The following NKAIN3 variants were observed in gnomAD, a reference collection of about 807,000 sequenced individuals.
NKAIN3 encodes the protein sodium/potassium transporting ATPase interacting 3.
In NKAIN3, 25 loss-of-function variants were observed where a neutral mutation model predicts 30.2. The ratio of observed to expected loss-of-function variants is 0.83; its 90% CI spans 0.60 to 1.16. The LOEUF is 1.16. Among genes scored for constraint, NKAIN3 ranks in the 50% most tolerant of loss-of-function variants. The pLI, the probability that NKAIN3 is intolerant of heterozygous loss-of-function variation, is 0.00. For missense variants in NKAIN3, 225 were observed against 254.1 expected (o/e 0.89, Z 0.78); for synonymous variants, 91 against 89.6 (o/e 1.02, Z -0.09).
At chr8:62,641,195 A>G (rs1312072374) in intron 3 of NKAIN3, among the ~76,000 whole-genome samples, 1 of 152,122 alleles carries the variant, frequency 6.6e-6, no homozygotes, top group Non-Finnish European at 1.5e-5. Context: ...AAAATTTGAT[A>G]AGCACTCTTC....
At chr8:62,632,372 T>TA (rs1811988955) in intron 3 of NKAIN3, among the ~76,000 whole-genome samples, 1 of 152,176 alleles carries the variant, frequency 6.6e-6, no homozygotes, top group Non-Finnish European at 1.5e-5. Context: ...AATATCAAGA[T>TA]ACCTTTTACA....
At chr8:62,784,518 T>C (rs185311764) in intron 4 of NKAIN3, among the ~76,000 whole-genome samples, 2 of 152,048 alleles carry the variant, frequency 1.3e-5, no homozygotes, top group African/African-American at 4.8e-5. Context: ...ATGCCAATAA[T>C]TTAGACAAAC....
At position 62,971,488 on chromosome 8, in the gene NKAIN3, C is replaced by G. The variant is rs1330729951; in HGVS notation, c.*6081C>G. Among the ~76,000 whole-genome samples the G allele has an allele frequency of 1.6e-5, 2 of 121,800 alleles. No homozygotes were observed. The highest frequency in any genetic ancestry group is 1.5e-4 in the Admixed American group (2 of 13,424). The allele number at this position is 121,800 out of a possible 152,430, so 79.9% of individuals were successfully genotyped here. Reference sequence around the variant, plus strand: ...CCCATACCTACAAAAAATACAAAAACCAGCTGTGGCGGTGTGTGCCTATAG... The same window carrying G: ...CCCATACCTACAAAAAATACAAAAAGCAGCTGTGGCGGTGTGTGCCTATAG... On this transcript the variant is annotated 3_prime_UTR_variant, in exon 7 of 7. Coordinates refer to ENST00000623646, the MANE Select transcript of NKAIN3 (RefSeq NM_001304533.3).
chr8:62,901,480 G>A (rs1284194610), intron 4 of NKAIN3, among the ~76,000 whole-genome samples: 1 of 152,134 alleles, frequency 6.6e-6, no homozygotes, highest in Admixed American at 6.5e-5. Context: ...AGCTGATACT[G>A]TGGCCAGTTT....
At chr8:62,804,938 G>A (rs1298787309) in intron 4 of NKAIN3, among the ~76,000 whole-genome samples, 2 of 152,190 alleles carry the variant, frequency 1.3e-5, no homozygotes, top group Non-Finnish European at 2.9e-5. Flanking sequence ...AAACTGATAA[G>A]CAGCTTCAGC....
At chr8:62,668,810 T>C (rs1012759526) in intron 3 of NKAIN3, among the ~76,000 whole-genome samples, 1 of 152,212 alleles carries the variant, frequency 6.6e-6, no homozygotes, top group African/African-American at 2.4e-5. Flanking sequence ...AGTAAATTCA[T>C]TCATTTTTTA....
In NKAIN3 at chr8:62,606,048, T is replaced by A. The variant is rs188184783; in HGVS notation, c.273+16254T>A. On this transcript the variant is annotated intron_variant, in intron 3 of 6. Coordinates refer to ENST00000623646, the MANE Select transcript of NKAIN3 (RefSeq NM_001304533.3). Reference sequence around the variant, plus strand: ...TATGCTGTAATTGACCTACCTTCAGTGAGAAAAGTGCTTTTCGTTGCCACT... The same window carrying A: ...TATGCTGTAATTGACCTACCTTCAGAGAGAAAAGTGCTTTTCGTTGCCACT... Among the ~76,000 whole-genome samples the A allele has an allele frequency of 1.1e-4, 17 of 152,246 alleles. No homozygotes were observed. The East Asian group carries it at 1.7e-3, about 16-fold the overall frequency.
At chr8:62,585,844 G>A (rs575133097) in intron 2 of NKAIN3, among the ~76,000 whole-genome samples, 31 of 152,200 alleles carry the variant, frequency 2.0e-4, no homozygotes, top group African/African-American at 6.3e-4. Context: ...AAGCATTGTT[G>A]TAGAATCAGT....
At position 62,863,144 on chromosome 8, in the gene NKAIN3, C is replaced by T. The variant is rs977879065; in HGVS notation, c.472-55309C>T. The T allele has an allele frequency of 2.7e-6, 4 of 1,492,150 alleles. No individual in the cohort carries two copies. The African/African-American group carries it at 4.2e-5, about 16-fold the overall frequency. The allele number at this position is 1,492,150 out of a possible 1,614,324, so 92.4% of individuals were successfully genotyped here. A position where few individuals can be genotyped will look rare whatever the true frequency, so the allele number is the denominator to read the frequency against. On this transcript the variant is annotated intron_variant, in intron 4 of 6. Coordinates refer to ENST00000623646, the MANE Select transcript of NKAIN3 (RefSeq NM_001304533.3). ...GAAGGTGCAGCTGAGGTGATGTTTT[C>T]TTCTATTATTTTCCTTTCGGCTTCT...
At chr8:62,329,208 G>T (rs1038494443) in intron 1 of NKAIN3, among the ~76,000 whole-genome samples, 4 of 152,002 alleles carry the variant, frequency 2.6e-5, no homozygotes, top group African/African-American at 9.7e-5. Flanking sequence ...AAGAATAGCT[G>T]CTCTAGAATT....
chr8:62,400,760 G>A (rs887315167), intron 1 of NKAIN3, among the ~76,000 whole-genome samples: 4 of 151,678 alleles, frequency 2.6e-5, no homozygotes, highest in Non-Finnish European at 5.9e-5. Context: ...GTCCTGTAAG[G>A]GTTCCACTGA....
chr8:62,265,066 G>A (rs1812563059), intron 1 of NKAIN3, among the ~76,000 whole-genome samples: 1 of 152,130 alleles, frequency 6.6e-6, no homozygotes, highest in Non-Finnish European at 1.5e-5. Context: ...GCACATCATG[G>A]ATGAAACAGG....
intron 3 of NKAIN3, among the ~76,000 whole-genome samples, chr8:62,729,031 A>AAAAAAAAAAAAC (rs1563534887): frequency 5.4e-5 from 6 of 110,564 alleles, no homozygotes; most frequent in African/African-American, 2.4e-4. Context: ...AACCAAAAAA[A>AAAAAAAAAAAAC]AAAAAAAACA....
At chr8:62,864,355 C>T (rs1490376372) in intron 4 of NKAIN3, among the ~76,000 whole-genome samples, 1 of 152,088 alleles carries the variant, frequency 6.6e-6, no homozygotes, top group Non-Finnish European at 1.5e-5. Flanking sequence ...AGATCAGGAA[C>T]TTGCGAACAT....
intron 1 of NKAIN3, among the ~76,000 whole-genome samples, chr8:62,524,840 T>C (rs1342934711): frequency 2.0e-5 from 3 of 152,172 alleles, no homozygotes; most frequent in Non-Finnish European, 1.5e-5. Context: ...TGTAAATGAA[T>C]ACAGGTCTAC....
intron 3 of NKAIN3, among the ~76,000 whole-genome samples, chr8:62,746,012 T>C (rs1816056820): frequency 6.6e-6 from 1 of 152,244 alleles, no homozygotes; most frequent in Non-Finnish European, 1.5e-5. Flanking sequence ...CTTTAACAAA[T>C]CATCACAAAA....
At chr8:62,567,544 G>A (rs1448068542) in intron 1 of NKAIN3, among the ~76,000 whole-genome samples, 2 of 152,020 alleles carry the variant, frequency 1.3e-5, no homozygotes, top group African/African-American at 2.4e-5. Context: ...TTATCCAAAA[G>A]GGCTCAATGT....
chr8:62,697,669 T>C lies in NKAIN3; in HGVS notation c.274-49263T>C, dbSNP rs556082199. Among the ~76,000 whole-genome samples, 33 of 152,326 alleles carry C rather than the reference T, an allele frequency of 2.2e-4. No individual in the cohort carries two copies. The East Asian group carries it at 5.6e-3, about 26-fold the overall frequency. ...GGGCAAGGGTCTTTGTCTATTTTAG[T>C]TGATGTTTGTTGATTAATTTCAAAA... is the stretch of plus-strand genomic sequence containing the variant. On this transcript the variant is annotated intron_variant, in intron 3 of 6. Transcript: ENST00000623646.
At chr8:62,281,706 G>T (rs183849892) in intron 1 of NKAIN3, among the ~76,000 whole-genome samples, 9 of 152,222 alleles carry the variant, frequency 5.9e-5, no homozygotes, top group Admixed American at 5.9e-4. Context: ...TCTTAATCCT[G>T]AGTTCTAGTT....
Sources: allele counts gnomAD v4.1 joint callset (sites outside exome capture counted in the v4.1 genomes callset), GRCh38; gene constraint gnomAD v4.1.1; transcripts MANE v1.5; gene names NCBI Gene and HGNC (gene_info 2026-07-23, HGNC 2026-07-21).